Variants in MYO9B observed in about 807,000 individuals in gnomAD.
The protein encoded by MYO9B is unconventional myosin-IXb.
A neutral mutation model predicts 229.5 loss-of-function variants in MYO9B; 71 were observed. The ratio of observed to expected loss-of-function variants is 0.31; its 90% confidence interval spans 0.26 to 0.38. MYO9B has a LOEUF of 0.38. MYO9B is among the 10% of genes least tolerant of loss of function. MYO9B has a pLI of 1.00. For missense variants in MYO9B, 2,255 were observed against 2,920.5 expected, an observed-to-expected ratio of 0.77 and a Z score of 5.25; for synonymous variants, 1,185 against 1,235.8, an observed-to-expected ratio of 0.96 and a Z score of 0.86.
intron 7 of MYO9B, 92 bp downstream of exon 7, chr19:17,157,130 T>C: frequency 2.1e-6 from 3 of 1,454,682 alleles, no homozygotes; most frequent in South Asian, 2.8e-5. Context: ...ACTTCCTACG[T>C]CAGCTGAGGT....
chr19:17,128,007 G>A (rs1280984882), intron 2 of MYO9B, among the ~76,000 whole-genome samples: 1 of 152,114 alleles, frequency 6.6e-6, no homozygotes, highest in Admixed American at 6.6e-5. Context: ...AAATTGCCCA[G>A]CAGTAGCCTT....
At chr19:17,200,868 G>C in intron 26 of MYO9B, 39 bp downstream of exon 26, 1 of 1,595,140 alleles carries the variant, frequency 6.3e-7, no homozygotes, top group Non-Finnish European at 8.6e-7. Context: ...ATGAGGCCCG[G>C]TCCCCAGGGG....
chr19:17,206,393 T>C lies in MYO9B; in HGVS notation c.5386+17T>C. 1 of 1,606,382 alleles carries C rather than the reference T, an allele frequency of 6.2e-7. No homozygotes were observed. Among genetic ancestry groups the C allele is most frequent in the South Asian group, 1.1e-5 (1 of 90,674 alleles). On this transcript the variant is annotated intron_variant, in intron 33 of 39. Transcript: ENST00000682292. ...GAGCCGTCGGTGAGCCCCATGGCGG[T>C]GCGGGTGGCAGCAGGTGGCCACAGC...
chr19:17,125,739 G>T (rs2058010501), intron 2 of MYO9B, among the ~76,000 whole-genome samples: 2 of 152,124 alleles, frequency 1.3e-5, no homozygotes, highest in African/African-American at 4.8e-5. Flanking sequence ...GTACATCCCT[G>T]CCGTCCGTCC....
In MYO9B at chr19:17,203,150, C is replaced by G; in HGVS notation, c.4882C>G (p.Gln1628Glu). Residue 1628 changes from glutamine to glutamate, a missense_variant, in exon 30 of 40, where the codon CAG (glutamine) becomes GAG (glutamate). Physicochemically the swap from Gln to Glu is conservative, Grantham distance 29. Coordinates refer to ENST00000682292, the MANE Select transcript of MYO9B (RefSeq NM_004145.4). ...GCGCCTTCCTCTGGCCTCACAGGTC[C>G]AGGAGCACAACGGGCACGTGTTCGC... ...KKKRKQERAV[Q>E]EHNGHVFASY... 2.6e-6 allele frequency: 4 copies of G among 1,568,480 alleles called. No individual in the cohort carries two copies. The highest frequency in any genetic ancestry group is 1.4e-5 in the African/African-American group (1 of 73,814).
At chr19:17,142,782 G>T (rs1330876031) in intron 2 of MYO9B, among the ~76,000 whole-genome samples, 1 of 152,066 alleles carries the variant, frequency 6.6e-6, no homozygotes, top group East Asian at 1.9e-4. Flanking sequence ...TTTGTTCCTT[G>T]TTTCACCATT....
rs748697010 is a variant in MYO9B, at chr19:17,153,962, T to C, written c.999-5T>C. The stretch of plus-strand genomic sequence containing the variant: ...AACTATTTTCCTCCCAATTTTGACC[T>C]GTAGGAACTACCATGTGTTTTATTA... On this transcript the variant is annotated splice_polypyrimidine_tract_variant and splice_region_variant and intron_variant, in intron 4 of 39. Coordinates refer to ENST00000682292, the MANE Select transcript of MYO9B (RefSeq NM_004145.4). 6.2e-7 allele frequency: 1 copy of C among 1,612,364 alleles called. No homozygotes were observed. The highest frequency in any genetic ancestry group is 8.5e-7 in the Non-Finnish European group (1 of 1,178,434).
intron 2 of MYO9B, among the ~76,000 whole-genome samples, chr19:17,115,491 T>C (rs1029055076): frequency 3.1e-5 from 4 of 129,818 alleles, no homozygotes; most frequent in African/African-American, 1.1e-4. Context: ...TTTTTTGAAA[T>C]GGAGTCTTGC....
At chr19:17,079,340 G>A (rs958465358) in intron 1 of MYO9B, among the ~76,000 whole-genome samples, 8 of 152,164 alleles carry the variant, frequency 5.3e-5, no homozygotes, top group African/African-American at 9.7e-5. Context: ...AGGAGGAACC[G>A]TTAGGAACGG....
chr19:17,206,225 G>GTGGGGCCCCC, intron 32 of MYO9B, 23 bp from the exon 33 acceptor site: 2 of 1,564,668 alleles, frequency 1.3e-6, no homozygotes, highest in Non-Finnish European at 1.7e-6. Flanking sequence ...CCGCTCACCA[G>GTGGGGCCCCC]ACCCACCCCA....
intron 29 of MYO9B, 90 bp from the exon 30 acceptor site, chr19:17,203,057 C>A: frequency 1.5e-6 from 2 of 1,370,314 alleles, no homozygotes; most frequent in Non-Finnish European, 2.0e-6. Context: ...GAATAAGTCA[C>A]CCCTGAGATC....
rs1436361497 is a variant in MYO9B at position 17,159,412 on chromosome 19, G to C, written c.1347G>C (p.Leu449Phe). ...SQLLKVKREI[L>F]VEVLTKRKTV... Reference sequence around the variant, plus strand: ...CCAAACAGGTGAAGCGAGAAATCTTGGTGGAGGTTCTGACCAAAAGAAAAA... The same window carrying C: ...CCAAACAGGTGAAGCGAGAAATCTTCGTGGAGGTTCTGACCAAAAGAAAAA... Residue 449 changes from leucine to phenylalanine, a missense_variant, in exon 8 of 40, where the codon TTG (leucine) becomes TTC (phenylalanine). Coordinates refer to ENST00000682292, the MANE Select transcript of MYO9B (RefSeq NM_004145.4). The C allele has an allele frequency of 1.2e-6, 2 of 1,608,316 alleles. No individual in the cohort carries two copies. Among genetic ancestry groups the C allele is most frequent in the Admixed American group, 1.7e-5 (1 of 59,040 alleles).
At position 17,191,083 on chromosome 19, in the gene MYO9B, C is replaced by T. The variant is rs926377964; in HGVS notation, c.2689-14C>T. 6.2e-7 allele frequency: 1 copy of T among 1,610,362 alleles called. No individual in the cohort carries two copies. The highest frequency in any genetic ancestry group is 8.5e-7 in the Non-Finnish European group (1 of 1,178,016). ...ACTCACCTAGATTTTCCTTTCTCCA[C>T]CCAAATAACCTAGGATTTCACCGAG... On this transcript the variant is annotated splice_polypyrimidine_tract_variant and intron_variant, in intron 19 of 39. Coordinates refer to ENST00000682292, the MANE Select transcript of MYO9B (RefSeq NM_004145.4).
Position 17,101,498 on chromosome 19 carries a change from C to T in MYO9B, c.-58-162C>T, listed in dbSNP as rs908556253. On this transcript the variant is annotated intron_variant, in intron 1 of 39. Transcript: ENST00000682292. The surrounding 1 kb of genome is among the most constrained non-coding windows in gnomAD (Gnocchi z 4.7). ...ACATTGAAGGACAGACAGACCCTCA[C>T]GGGATGTCGTGACTGGTTGCCTCTG... is the stretch of plus-strand genomic sequence containing the variant. 1.1e-4 allele frequency among the ~76,000 whole-genome samples: 16 copies of T among 152,116 alleles called. No individual in the cohort carries two copies. Among genetic ancestry groups the T allele is most frequent in the African/African-American group, 1.4e-4 (6 of 41,414 alleles).
At chr19:17,110,874 T>G (rs1244612448) in intron 2 of MYO9B, among the ~76,000 whole-genome samples, 3 of 152,020 alleles carry the variant, frequency 2.0e-5, no homozygotes, top group South Asian at 4.1e-4. Flanking sequence ...ACCCCCCTCT[T>G]GGGGCAAAGG....
intron 2 of MYO9B, among the ~76,000 whole-genome samples, chr19:17,141,223 C>T (rs765622302): frequency 4.6e-5 from 7 of 152,094 alleles, no homozygotes; most frequent in Non-Finnish European, 1.0e-4. Flanking sequence ...ATTGTGTCTC[C>T]GGTTTCCGCC....
At chr19:17,189,632 A>C (rs1337063252) in intron 19 of MYO9B, among the ~76,000 whole-genome samples, 1 of 151,976 alleles carries the variant, frequency 6.6e-6, no homozygotes, top group South Asian at 2.1e-4. Context: ...TCAAAAAAAA[A>C]CATGTTCCTC....
chr19:17,112,750 A>C (rs1051547974), intron 2 of MYO9B, among the ~76,000 whole-genome samples: 1 of 152,216 alleles, frequency 6.6e-6, no homozygotes, highest in Non-Finnish European at 1.5e-5. Context: ...AGGGCTCATC[A>C]GGCCTCAGAG....
At chr19:17,155,844 C>T (rs776609464) in intron 6 of MYO9B, among the ~76,000 whole-genome samples, 2 of 152,026 alleles carry the variant, frequency 1.3e-5, no homozygotes, top group Non-Finnish European at 2.9e-5. Flanking sequence ...CATGGCGAAA[C>T]CCTGTCTCTA....
Sources: gnomAD v4.1 joint callset for allele counts (sites outside exome capture counted in the v4.1 genomes callset) on GRCh38, gnomAD v4.1.1 for gene constraint, Gnocchi (gnomAD v3.1) non-coding constraint, MANE v1.5 for transcripts, NCBI Gene and HGNC (gene_info 2026-07-23, HGNC 2026-07-21) for gene names.